CNIH3: variants seen among roughly 807,000 people sequenced by gnomAD.
CNIH3 encodes protein cornichon homolog 3.
Under a neutral mutation model 24.1 loss-of-function variants are expected in CNIH3, and 14 were observed. The ratio of observed to expected loss-of-function variants is 0.58; its 90% CI spans 0.38 to 0.91. The LOEUF is 0.91. Ranked by LOEUF, CNIH3 falls within the 40% of genes least tolerant of loss-of-function variation. The pLI, the probability that CNIH3 is intolerant of heterozygous loss-of-function variation, is 0.00. For synonymous variants in CNIH3, 68 were observed against 73.8 expected (o/e 0.92, Z 0.40); for missense variants, 178 against 196.8 (o/e 0.90, Z 0.57).
At chr1:224,644,912 C>G (rs1230947079) in intron 1 of CNIH3, among the ~76,000 whole-genome samples, 1 of 152,184 alleles carries the variant, frequency 6.6e-6, no homozygotes, top group Non-Finnish European at 1.5e-5. Flanking sequence ...AGGACAGTGG[C>G]TTCTGTACTG....
In CNIH3 at chr1:224,565,105, C is replaced by T. The variant is rs1248224712; in HGVS notation, n.451-1094C>T. ...GAACAGGCAGGCAATAAAACTGGTC[C>T]CCATTCCCCCAAATAGATTTTGCAA... On this transcript the variant is annotated intron_variant and non_coding_transcript_variant, in intron 3 of 5. Coordinates refer to the CNIH3 transcript ENST00000471578. 2.0e-5 allele frequency among the ~76,000 whole-genome samples: 3 copies of T among 152,282 alleles called. No homozygotes were observed. The South Asian group carries it at 6.2e-4, about 32-fold the overall frequency.
chr1:224,581,103 C>T (rs1161688519), intron 4 of CNIH3, among the ~76,000 whole-genome samples: 2 of 152,132 alleles, frequency 1.3e-5, no homozygotes, highest in African/African-American at 4.8e-5. Flanking sequence ...TTTTTTGTAA[C>T]TTGGCTTCCA....
At chr1:224,475,044 CA>C (rs542566183) in intron 1 of CNIH3, among the ~76,000 whole-genome samples, 9 of 91,824 alleles carry the variant, frequency 9.8e-5, no homozygotes, top group Admixed American at 2.7e-4. Flanking sequence ...GACTCCATCT[CA>C]AAAAAAAAAG....
At chr1:224,583,393 G>A (rs1428990290) in intron 5 of CNIH3, 1 of 152,250 alleles carries the variant, frequency 6.6e-6, no homozygotes, top group African/African-American at 2.4e-5. Flanking sequence ...CAACCAGAGT[G>A]GACCAGTTTG....
chr1:224,594,366 T>C (rs1466436017), intron 3 of CNIH3, among the ~76,000 whole-genome samples: 1 of 152,164 alleles, frequency 6.6e-6, no homozygotes, highest in Non-Finnish European at 1.5e-5. Context: ...TTATCTAAGC[T>C]ATTAGAGCTT....
intron 3 of CNIH3, among the ~76,000 whole-genome samples, chr1:224,563,858 G>A (rs1680474987): frequency 6.6e-6 from 1 of 152,074 alleles, no homozygotes; most frequent in African/African-American, 2.4e-5. Context: ...TTTCCTGTTG[G>A]CCCTGGATTG....
chr1:224,551,895 G>A (rs1315587425), intron 3 of CNIH3, among the ~76,000 whole-genome samples: 1 of 150,918 alleles, frequency 6.6e-6, no homozygotes, highest in Non-Finnish European at 1.5e-5. Context: ...ATCTAAGGGA[G>A]TTATACTACT....
chr1:224,588,971 T>TTTTTTTTTG (rs1419427430), downstream of CNIH3, among the ~76,000 whole-genome samples: 27 of 149,038 alleles, frequency 1.8e-4, no homozygotes, highest in African/African-American at 6.5e-4. Flanking sequence ...ACCCCCTGTT[T>TTTTTTTTTG]TTTTTTTTTT....
chr1:224,692,539 G>A (rs550657354), intron 3 of CNIH3, among the ~76,000 whole-genome samples: 2 of 152,302 alleles, frequency 1.3e-5, no homozygotes, highest in South Asian at 2.1e-4. Flanking sequence ...TGACGCAGAA[G>A]TTTTCTAGAT....
At chr1:224,617,606 G>C (rs1160463628) in intron 1 of CNIH3, among the ~76,000 whole-genome samples, 4 of 152,222 alleles carry the variant, frequency 2.6e-5, no homozygotes, top group African/African-American at 9.6e-5. Flanking sequence ...CGCCGCCGTC[G>C]GTCCCGGCAA....
chr1:224,685,787 ATTAC>A (rs1686627255), intron 3 of CNIH3, among the ~76,000 whole-genome samples: 1 of 152,174 alleles, frequency 6.6e-6, no homozygotes, highest in South Asian at 2.1e-4. Context: ...TTTCTAGCTA[ATTAC>A]TTGTCTTTTA....
chr1:224,655,075 G>T (rs1170644627), intron 1 of CNIH3, among the ~76,000 whole-genome samples: 1 of 152,182 alleles, frequency 6.6e-6, no homozygotes, highest in African/African-American at 2.4e-5. Context: ...CAGGGATGAT[G>T]TGGCACCAGG....
chr1:224,687,235 CTTTA>C (rs1261210542), intron 3 of CNIH3, among the ~76,000 whole-genome samples: 1 of 152,154 alleles, frequency 6.6e-6, no homozygotes, highest in East Asian at 1.9e-4. Flanking sequence ...GTACCTACAA[CTTTA>C]TTTATTTATT....
intron 1 of CNIH3, chr1:224,454,312 C>T (rs1185967025): frequency 4.7e-6 from 4 of 856,096 alleles, no homozygotes; most frequent in Non-Finnish European, 5.6e-6. Context: ...ACTCTATCAA[C>T]TAATATTTCT....
downstream of CNIH3, among the ~76,000 whole-genome samples, chr1:224,539,623 ATGCCCCATGCTGGTCAC>A (rs1679434171): frequency 6.6e-6 from 1 of 152,104 alleles, no homozygotes; most frequent in Non-Finnish European, 1.5e-5. Flanking sequence ...TGCCTTCCTT[ATGCCCCATGCTGGTCAC>A]TGCCCCATAC....
chr1:224,562,492 G>C (rs1420685280), intron 3 of CNIH3, among the ~76,000 whole-genome samples: 1 of 152,114 alleles, frequency 6.6e-6, no homozygotes, highest in Non-Finnish European at 1.5e-5. Flanking sequence ...GATTTGGCTG[G>C]GGACAGATTA....
At chr1:224,619,609 C>T (rs900216975) in intron 1 of CNIH3, among the ~76,000 whole-genome samples, 5 of 152,162 alleles carry the variant, frequency 3.3e-5, no homozygotes, top group Non-Finnish European at 7.3e-5. Flanking sequence ...ACCCTGATTT[C>T]AGGGCACGGT....
chr1:224,540,692 A>T (rs990564726), downstream of CNIH3, among the ~76,000 whole-genome samples: 1 of 152,200 alleles, frequency 6.6e-6, no homozygotes, highest in South Asian at 2.1e-4. Context: ...AGAATTTGTA[A>T]TGACAGCTTA....
At chr1:224,632,417 C>A (rs1683867155) in intron 1 of CNIH3, among the ~76,000 whole-genome samples, 1 of 152,144 alleles carries the variant, frequency 6.6e-6, no homozygotes, top group Non-Finnish European at 1.5e-5. Flanking sequence ...AGGCCACATT[C>A]TGCTACAGTG....
Sources: allele counts gnomAD v4.1 joint callset (sites outside exome capture counted in the v4.1 genomes callset), GRCh38; gene constraint gnomAD v4.1.1; transcripts MANE v1.5; gene names NCBI Gene and HGNC (gene_info 2026-07-23, HGNC 2026-07-21).